The following TBC1D13 variants were observed in gnomAD, a reference collection of about 807,000 sequenced individuals.
TBC1D13 encodes TBC1 domain family member 13, also known as epididymis secretory sperm binding protein.
Under a neutral mutation model 53.6 loss-of-function variants are expected in TBC1D13, and 40 were observed. The ratio of observed to expected loss-of-function variants is 0.75; its 90% CI spans 0.58 to 0.97. The LOEUF (loss-of-function observed/expected upper bound fraction) is 0.97. TBC1D13 is among the 50% of genes least tolerant of loss of function. The pLI is 0.00. For synonymous variants in TBC1D13, 182 were observed against 197.7 expected (o/e 0.92, Z 0.67); for missense variants, 377 against 499.4 (o/e 0.75, Z 2.34).
chr9:128,797,639 C>G (rs1829659835), intron 7 of TBC1D13, among the ~76,000 whole-genome samples: 1 of 151,710 alleles, frequency 6.6e-6, no homozygotes, highest in African/African-American at 2.4e-5. Flanking sequence ...CCTGTCTTTA[C>G]AAAAAATACA....
chr9:128,790,693 G>A, intron 2 of TBC1D13, 42 bp from the exon 3 acceptor site: 1 of 1,526,526 alleles, frequency 6.6e-7, no homozygotes, highest in South Asian at 1.2e-5. Context: ...GGGGTTCTGG[G>A]ACTCTGGCCT....
At chr9:128,793,720 C>G (rs972585776) in intron 6 of TBC1D13, among the ~76,000 whole-genome samples, 1 of 152,136 alleles carries the variant, frequency 6.6e-6, no homozygotes, top group African/African-American at 2.4e-5. Context: ...AACAGCCTGC[C>G]TGGGACCCCC....
At chr9:128,796,002 C>A (rs1019454650) in intron 6 of TBC1D13, among the ~76,000 whole-genome samples, 2 of 152,184 alleles carry the variant, frequency 1.3e-5, no homozygotes, top group Non-Finnish European at 2.9e-5. Flanking sequence ...TGCAAATACA[C>A]ATAAAATGTG....
At chr9:128,795,969 T>A (rs1165005514) in intron 6 of TBC1D13, among the ~76,000 whole-genome samples, 1 of 151,354 alleles carries the variant, frequency 6.6e-6, no homozygotes, top group African/African-American at 2.4e-5. Flanking sequence ...AATGACACTT[T>A]AAAAAAAAAG....
chr9:128,805,980 G>A lies in TBC1D13; in HGVS notation c.1040G>A (p.Arg347His), dbSNP rs764123425. ...IWDSLFADDN[R>H]FDFLLLVCCA... ...GACTCCCTCTTCGCCGATGACAACC[G>A]CTTTGACTTCCTCCTCCTCGTCTGC... The change falls in exon 10 of 12, where the codon CGC becomes CAC. Residue 347 changes from arginine to histidine, a missense_variant. Arg to His is a conservative substitution (Grantham distance 29). Coordinates refer to ENST00000372648, the MANE Select transcript of TBC1D13 (RefSeq NM_018201.5). The A allele has an allele frequency of 1.7e-5, 28 of 1,614,196 alleles. No homozygotes were observed. The highest frequency in any genetic ancestry group is 6.6e-5 in the South Asian group (6 of 91,088).
chr9:128,794,574 C>T (rs1207462931), intron 6 of TBC1D13, among the ~76,000 whole-genome samples: 1 of 151,606 alleles, frequency 6.6e-6, no homozygotes, highest in Non-Finnish European at 1.5e-5. Flanking sequence ...TTCCCGGGTT[C>T]AAGCGATTCT....
Position 128,805,939 on chromosome 9 carries a change from C to G in TBC1D13, c.999C>G (p.Asp333Glu), listed in dbSNP as rs533914448. 14 of 1,614,210 alleles carry G rather than the reference C, an allele frequency of 8.7e-6. No homozygotes were observed. The highest frequency in any genetic ancestry group is 1.3e-5 in the African/African-American group (1 of 75,052). Reference protein sequence around the residue: ...LLLSQEFLLPDVIRIWDSLFA... With the variant: ...LLLSQEFLLPEVIRIWDSLFA... ...TGTCCCAGGAGTTCTTGCTGCCTGA[C>G]GTCATCCGCATCTGGGACTCCCTCT... Residue 333 changes from aspartate (D) to glutamate (E), a missense_variant, in exon 10 of 12, where the codon GAC (aspartate) becomes GAG (glutamate). Physicochemically the swap from Asp to Glu is conservative, Grantham distance 45. Transcript: ENST00000372648.
Position 128,797,092 on chromosome 9 carries a change from A to G in TBC1D13, c.421A>G (p.Thr141Ala). 2 of 1,614,042 alleles carry G rather than the reference A, an allele frequency of 1.2e-6. No homozygotes were observed. Among genetic ancestry groups the G allele is most frequent in the Admixed American group, 1.7e-5 (1 of 60,006 alleles). ...AGACATTTCCTTCTTCCAGAGGGCC[A>G]CTGACTACCCTTGCCTCCTCATCCT... is the stretch of plus-strand genomic sequence containing the variant. ...CPDISFFQRA[T>A]DYPCLLILDP... is the part of the protein sequence containing the mutation. Residue 141 changes from threonine (T) to alanine (A), a missense_variant, in exon 7 of 12, where the codon ACT becomes GCT. Physicochemically the swap from Thr to Ala is moderately conservative, Grantham distance 58. Transcript: ENST00000372648.
chr9:128,788,797 G>T (rs1185720309), intron 2 of TBC1D13, among the ~76,000 whole-genome samples: 5 of 152,120 alleles, frequency 3.3e-5, no homozygotes, highest in African/African-American at 1.2e-4. Flanking sequence ...TTGGTTAACT[G>T]CAGGGTTGTT....
chr9:128,798,171 C>G (rs557877036), intron 7 of TBC1D13, among the ~76,000 whole-genome samples: 18 of 151,812 alleles, frequency 1.2e-4, no homozygotes, highest in Non-Finnish European at 8.8e-5. Context: ...TAGAATTGCT[C>G]GAACCCGGGA....
intron 6 of TBC1D13, among the ~76,000 whole-genome samples, chr9:128,796,175 C>T (rs1389907839): frequency 6.6e-6 from 1 of 152,196 alleles, no homozygotes; most frequent in Non-Finnish European, 1.5e-5. Flanking sequence ...GCAATCTCCT[C>T]CTCCCAGGCT....
rs114623543 is a variant in TBC1D13 at position 128,807,527 on chromosome 9, G to A, written c.1138-287G>A. Among the ~76,000 whole-genome samples, 887 of 152,344 alleles carry A rather than the reference G, an allele frequency of 5.8e-3. 8 individuals are homozygous for A. Among genetic ancestry groups the A allele is most frequent in the African/African-American group, 0.02 (812 of 41,564 alleles). ...ACTGGCTCCACACGAGGGAGCTCGG[G>A]TTCAGTGGCAGTAGTGGGAGAGCTG... is the stretch of plus-strand genomic sequence containing the variant. On this transcript the variant is annotated intron_variant, in intron 11 of 11. Transcript: ENST00000372648.
intron 2 of TBC1D13, among the ~76,000 whole-genome samples, chr9:128,790,390 A>G (rs1229592082): frequency 6.6e-6 from 1 of 152,160 alleles, no homozygotes; most frequent in African/African-American, 2.4e-5. Context: ...CCTAGCCAAC[A>G]TGGTGAAACC....
intron 9 of TBC1D13, among the ~76,000 whole-genome samples, 164 bp from the exon 10 acceptor site, chr9:128,805,695 C>G (rs544786308): frequency 6.6e-6 from 1 of 152,322 alleles, no homozygotes; most frequent in Non-Finnish European, 1.5e-5. Context: ...GGCTCCGCCC[C>G]TTTACCAGGC....
intron 7 of TBC1D13, among the ~76,000 whole-genome samples, chr9:128,799,836 A>G (rs1829700125): frequency 6.6e-6 from 1 of 152,164 alleles, no homozygotes; most frequent in South Asian, 2.1e-4. Flanking sequence ...CCTGGCTAAT[A>G]TGGTGAAACC....
intron 7 of TBC1D13, among the ~76,000 whole-genome samples, chr9:128,800,367 C>CTTTTTTTT (rs780656078): frequency 5.6e-5 from 6 of 106,714 alleles, no homozygotes; most frequent in African/African-American, 2.1e-4. Flanking sequence ...TATCTTCCAA[C>CTTTTTTTT]TTTTTTTTTT....
intron 7 of TBC1D13, among the ~76,000 whole-genome samples, chr9:128,802,806 C>T (rs1829760474): frequency 6.7e-6 from 1 of 149,832 alleles, no homozygotes; most frequent in Admixed American, 6.7e-5. Context: ...GTGATCATAG[C>T]TCACTGCAGC....
intron 6 of TBC1D13, among the ~76,000 whole-genome samples, chr9:128,795,283 A>G (rs1017640493): frequency 6.7e-5 from 10 of 148,702 alleles, no homozygotes; most frequent in African/African-American, 2.2e-4. Flanking sequence ...CACTGGCGCA[A>G]TCTTGGCTCA....
chr9:128,806,200 G>A (rs1378266395), intron 10 of TBC1D13, 54 bp from the exon 11 acceptor site: 21 of 1,612,708 alleles, frequency 1.3e-5, no homozygotes, highest in Non-Finnish European at 1.8e-5. Flanking sequence ...GAGTGGGCAG[G>A]GCCTGCACTC....
Sources: allele counts gnomAD v4.1 joint callset (sites outside exome capture counted in the v4.1 genomes callset), GRCh38; gene constraint gnomAD v4.1.1; transcripts MANE v1.5; gene names NCBI Gene and HGNC (gene_info 2026-07-23, HGNC 2026-07-21).